Variants in MYO3B observed in about 807,000 individuals in gnomAD.
MYO3B encodes myosin-IIIb.
MYO3B carries 156 observed loss-of-function variants against 174.6 expected under a neutral mutation model. That is an observed-to-expected ratio of 0.89 (90% CI 0.78 to 1.02). The LOEUF (loss-of-function observed/expected upper bound fraction) is 1.02. Ranked by LOEUF, MYO3B falls within the 50% of genes least tolerant of loss-of-function variation. The pLI is 0.00. For synonymous variants in MYO3B, 563 were observed against 569.1 expected (o/e 0.99, Z 0.15); for missense variants, 1,632 against 1,639.4 (o/e 1.00, Z 0.08).
intron 25 of MYO3B, among the ~76,000 whole-genome samples, chr2:170,475,775 G>A (rs1338951598): frequency 6.6e-6 from 1 of 152,186 alleles, no homozygotes; most frequent in Non-Finnish European, 1.5e-5. Flanking sequence ...TATGGGACGA[G>A]GTCTAAAGCC....
intron 32 of MYO3B, among the ~76,000 whole-genome samples, chr2:170,551,417 C>A (rs1361215083): frequency 6.9e-6 from 1 of 144,892 alleles, no homozygotes; most frequent in African/African-American, 2.5e-5. Flanking sequence ...GCCACACAGG[C>A]TGGAGTGCAG....
chr2:170,406,166 G>A (rs968595949), intron 21 of MYO3B, among the ~76,000 whole-genome samples: 1 of 152,126 alleles, frequency 6.6e-6, no homozygotes, highest in African/African-American at 2.4e-5. Context: ...TCAAGTTCCT[G>A]AAGCAGATTA....
At chr2:170,423,853 A>G (rs969342631) in intron 22 of MYO3B, among the ~76,000 whole-genome samples, 1 of 152,194 alleles carries the variant, frequency 6.6e-6, no homozygotes, top group South Asian at 2.1e-4. Flanking sequence ...TACTGGGATC[A>G]TAGGCATGAG....
chr2:170,243,182 T>G (rs1553570163), intron 7 of MYO3B, among the ~76,000 whole-genome samples: 1 of 152,196 alleles, frequency 6.6e-6, no homozygotes, highest in Non-Finnish European at 1.5e-5. Flanking sequence ...ACAACAAACA[T>G]TTATGATTTT....
intron 27 of MYO3B, among the ~76,000 whole-genome samples, chr2:170,501,239 C>CCT (rs1377355688): frequency 1.3e-5 from 2 of 152,174 alleles, no homozygotes; most frequent in Non-Finnish European, 2.9e-5. Flanking sequence ...GCACATCTTT[C>CCT]CTCTCCCTCA....
intron 8 of MYO3B, among the ~76,000 whole-genome samples, chr2:170,339,375 G>A (rs181464081): frequency 5.9e-5 from 9 of 152,268 alleles, no homozygotes; most frequent in East Asian, 5.8e-4. Flanking sequence ...CTACTGAGCC[G>A]TAACAGAGTC....
intron 32 of MYO3B, among the ~76,000 whole-genome samples, chr2:170,616,185 A>T (rs1010662823): frequency 1.3e-5 from 2 of 152,222 alleles, no homozygotes; most frequent in Admixed American, 6.5e-5. Flanking sequence ...CCCAGAAGGG[A>T]GTATGCCTTA....
At chr2:170,500,363 C>T (rs58746161) in intron 27 of MYO3B, among the ~76,000 whole-genome samples, 2,987 of 152,224 alleles carry the variant, frequency 0.02, 63 homozygotes, top group East Asian at 0.091. Flanking sequence ...CATCTGACCT[C>T]TGGGTGATAT....
At chr2:170,359,149 C>G (rs969328762) in intron 8 of MYO3B, among the ~76,000 whole-genome samples, 2 of 152,162 alleles carry the variant, frequency 1.3e-5, no homozygotes, top group African/African-American at 4.8e-5. Context: ...GAATCGGCAA[C>G]TTAAAGGCCT....
At chr2:170,441,236 T>A (rs1218547565) in intron 22 of MYO3B, among the ~76,000 whole-genome samples, 1 of 152,256 alleles carries the variant, frequency 6.6e-6, no homozygotes, top group Non-Finnish European at 1.5e-5. Flanking sequence ...ACTTCTTCCT[T>A]TCTGATGTGG....
At chr2:170,513,808 G>A (rs1688126177) in intron 28 of MYO3B, among the ~76,000 whole-genome samples, 1 of 152,202 alleles carries the variant, frequency 6.6e-6, no homozygotes, top group African/African-American at 2.4e-5. Flanking sequence ...GGAGAGACAA[G>A]GGTGACACCA....
At chr2:170,509,499 CTTGT>C (rs1416368792) in intron 28 of MYO3B, among the ~76,000 whole-genome samples, 5 of 152,174 alleles carry the variant, frequency 3.3e-5, no homozygotes, top group African/African-American at 1.2e-4. Flanking sequence ...TAACTTACGT[CTTGT>C]TTATTTGACA....
At chr2:170,433,070 T>C (rs1217533134) in intron 22 of MYO3B, among the ~76,000 whole-genome samples, 1 of 152,154 alleles carries the variant, frequency 6.6e-6, no homozygotes, top group South Asian at 2.1e-4. Flanking sequence ...GTCTCATTCA[T>C]GTTATGTGCC....
At chr2:170,321,814 G>A (rs1321727510) in intron 7 of MYO3B, among the ~76,000 whole-genome samples, 7 of 152,118 alleles carry the variant, frequency 4.6e-5, no homozygotes, top group Non-Finnish European at 8.8e-5. Context: ...CTGGCACTGT[G>A]TGTTCCTGCT....
chr2:170,487,842 T>A (rs1000882368), intron 25 of MYO3B, among the ~76,000 whole-genome samples: 1 of 152,058 alleles, frequency 6.6e-6, no homozygotes, highest in African/African-American at 2.4e-5. Context: ...AAATGAGAGG[T>A]GCAAATAAAA....
Position 170,409,490 on chromosome 2 carries a change from A to G in MYO3B, c.2650+1646A>G, listed in dbSNP as rs758004440. 3.7e-4 allele frequency among the ~76,000 whole-genome samples: 56 copies of G among 152,242 alleles called. 1 individual carries two copies. Among genetic ancestry groups the G allele is most frequent in the Admixed American group, 5.2e-4 (8 of 15,284 alleles). On this transcript the variant is annotated intron_variant, in intron 22 of 34. Transcript: ENST00000408978. ...GCTTCCCAGTATTCCTGAGCTATATATTATGCATAGTAATTTCCTTTGAGA... is the reference window on the plus strand; with the variant it reads ...GCTTCCCAGTATTCCTGAGCTATATGTTATGCATAGTAATTTCCTTTGAGA...
intron 8 of MYO3B, chr2:170,344,084 C>T (rs2105572255): frequency 6.6e-6 from 1 of 152,368 alleles, no homozygotes; most frequent in Admixed American, 6.5e-5. Flanking sequence ...TCCGTGGAAC[C>T]TCATGGGCCA....
chr2:170,203,495 CGGCG>C (rs1434281493), intron 3 of MYO3B, among the ~76,000 whole-genome samples: 39 of 3,478 alleles, frequency 0.011, 2 homozygotes, highest in Admixed American at 0.05. Context: ...CAAAAGGGGG[CGGCG>C]GGGGGGGGAG....
intron 19 of MYO3B, among the ~76,000 whole-genome samples, chr2:170,403,945 T>TA (rs1214407292): frequency 6.6e-6 from 1 of 152,118 alleles, no homozygotes; most frequent in Non-Finnish European, 1.5e-5. Flanking sequence ...CTCACCAAAA[T>TA]AAATTTTTTT....
Sources: gnomAD v4.1 joint callset for allele counts (sites outside exome capture counted in the v4.1 genomes callset) on GRCh38, gnomAD v4.1.1 for gene constraint, MANE v1.5 for transcripts, NCBI Gene and HGNC (gene_info 2026-07-23, HGNC 2026-07-21) for gene names.